The following EYS variants were observed in gnomAD, a reference collection of about 807,000 sequenced individuals.
The protein encoded by EYS is protein eyes shut homolog.
EYS carries 250 observed loss-of-function variants against 282.1 expected under a neutral mutation model. That is an observed-to-expected ratio of 0.89 (90% CI 0.80 to 0.98). The LOEUF (loss-of-function observed/expected upper bound fraction) is 0.98, where lower values mean the gene tolerates loss of function less well. EYS is among the 50% of genes least tolerant of loss of function. The pLI, the probability that EYS is intolerant of heterozygous loss-of-function variation, is 0.00. For synonymous variants in EYS, 1,355 were observed against 1,282.9 expected, an observed-to-expected ratio of 1.06 and a Z score of -1.20; for missense variants, 4,016 against 3,709.0, an observed-to-expected ratio of 1.08 and a Z score of -2.15.
At chr6:64,916,040 GA>G (rs1364136776) in intron 15 of EYS, among the ~76,000 whole-genome samples, 1 of 151,998 alleles carries the variant, frequency 6.6e-6, no homozygotes, top group African/African-American at 2.4e-5. Flanking sequence ...TATTTTGCTT[GA>G]AATAACATCA....
intron 5 of EYS, among the ~76,000 whole-genome samples, chr6:65,405,785 TG>T (rs1170621902): frequency 6.6e-6 from 1 of 152,116 alleles, no homozygotes; most frequent in Non-Finnish European, 1.5e-5. Context: ...TACTTTATAT[TG>T]CTAAAGAGTA....
At chr6:64,946,715 G>A (rs1345983514) in intron 14 of EYS, among the ~76,000 whole-genome samples, 1 of 151,778 alleles carries the variant, frequency 6.6e-6, no homozygotes, top group Non-Finnish European at 1.5e-5. Context: ...TTGAAACATG[G>A]CTAGTACCAT....
chr6:64,285,579 T>C (rs750648783), intron 30 of EYS, among the ~76,000 whole-genome samples: 1 of 152,138 alleles, frequency 6.6e-6, no homozygotes, highest in Non-Finnish European at 1.5e-5. Context: ...CACATTTGGG[T>C]ATCTTTTCAG....
chr6:64,144,020 G>T (rs1410929400), intron 31 of EYS, among the ~76,000 whole-genome samples: 1 of 152,150 alleles, frequency 6.6e-6, no homozygotes, highest in Admixed American at 6.6e-5. Flanking sequence ...GTTTTCAGAA[G>T]TGTGTTAGAC....
At chr6:65,666,154 G>C (rs192914791) in intron 1 of EYS, among the ~76,000 whole-genome samples, 55 of 151,372 alleles carry the variant, frequency 3.6e-4, no homozygotes, top group African/African-American at 1.3e-3. Flanking sequence ...TTTCCCTATA[G>C]CTAAGATTCC....
intron 22 of EYS, among the ~76,000 whole-genome samples, chr6:64,800,248 A>G (rs186521786): frequency 4.1e-4 from 63 of 152,182 alleles, no homozygotes; most frequent in Middle Eastern, 3.4e-3. Context: ...GACAATAAGC[A>G]TCATGAGCAA....
At chr6:64,878,681 G>A (rs371609417) in intron 19 of EYS, among the ~76,000 whole-genome samples, 9 of 146,140 alleles carry the variant, frequency 6.2e-5, no homozygotes, top group African/African-American at 2.2e-4. Flanking sequence ...TTAAGCACAT[G>A]CATTTTTTTT....
rs773783882 is a variant in EYS, at chr6:65,402,494, T to G, written c.1168A>C (p.Lys390Gln). The change falls in exon 7 of 43, where the codon AAA (lysine) becomes CAA (glutamine). Residue 390 changes from lysine (K) to glutamine (Q), a missense_variant. By Grantham distance (53) the Lys-to-Gln change is moderately conservative. Coordinates refer to ENST00000503581, the MANE Select transcript of EYS (RefSeq NM_001142800.2). ...RNNATCKKCE[K>Q]DYPCSCISGF... is the part of the protein sequence containing the mutation. The stretch of plus-strand genomic sequence containing the variant: ...TAATTATACCTGCAAGGATAATCTT[T>G]CTCACATTTCTTACATGTAGCATTA... 1 of 1,516,870 alleles carries G rather than the reference T, an allele frequency of 6.6e-7. No homozygotes were observed. Among genetic ancestry groups the G allele is most frequent in the South Asian group, 1.1e-5 (1 of 88,810 alleles). The allele number at this position is 1,516,870 out of a possible 1,614,324, so 94.0% of individuals were successfully genotyped here.
intron 2 of EYS, among the ~76,000 whole-genome samples, chr6:65,542,259 G>C (rs1023719640): frequency 6.6e-6 from 1 of 151,942 alleles, no homozygotes; most frequent in African/African-American, 2.4e-5. Context: ...AAATCAACTA[G>C]ATATAGTAGG....
At chr6:63,803,086 A>C (rs1221882021) in intron 37 of EYS, among the ~76,000 whole-genome samples, 2 of 152,134 alleles carry the variant, frequency 1.3e-5, no homozygotes, top group Non-Finnish European at 2.9e-5. Context: ...AATTTGGTAG[A>C]TGCGTACTAA....
intron 31 of EYS, among the ~76,000 whole-genome samples, chr6:64,139,916 C>T (rs1774284501): frequency 6.6e-6 from 1 of 151,150 alleles, no homozygotes; most frequent in Non-Finnish European, 1.5e-5. Flanking sequence ...TGCAGTGAGC[C>T]GAGATCGCAC....
intron 35 of EYS, among the ~76,000 whole-genome samples, chr6:63,871,972 C>T (rs1772817938): frequency 6.6e-6 from 1 of 152,214 alleles, no homozygotes; most frequent in Admixed American, 6.5e-5. Context: ...CCATGACCCA[C>T]CCAACTTTCC....
chr6:64,189,512 G>C (rs1325281693), intron 31 of EYS, among the ~76,000 whole-genome samples: 1 of 152,174 alleles, frequency 6.6e-6, no homozygotes, highest in East Asian at 1.9e-4. Context: ...TGTGTCCACT[G>C]TGCTACACTA....
At chr6:63,940,333 G>A (rs1157514582) in intron 35 of EYS, among the ~76,000 whole-genome samples, 2 of 151,930 alleles carry the variant, frequency 1.3e-5, no homozygotes, top group Non-Finnish European at 2.9e-5. Context: ...AAAAAGAAAA[G>A]GAAATTTGTG....
At chr6:65,358,839 C>T (rs1312790891) in intron 8 of EYS, among the ~76,000 whole-genome samples, 1 of 151,772 alleles carries the variant, frequency 6.6e-6, no homozygotes, top group Non-Finnish European at 1.5e-5. Context: ...TTATAAGTTG[C>T]TAATAACAAT....
chr6:65,589,120 C>T (rs1208599386), intron 2 of EYS, among the ~76,000 whole-genome samples: 1 of 152,008 alleles, frequency 6.6e-6, no homozygotes, highest in Non-Finnish European at 1.5e-5. Context: ...GTGTGTTCCT[C>T]ATGCCCTGTG....
chr6:63,838,025 T>C (rs937902098), intron 36 of EYS, among the ~76,000 whole-genome samples: 1 of 152,170 alleles, frequency 6.6e-6, no homozygotes, highest in African/African-American at 2.4e-5. Flanking sequence ...AATTTTGTTT[T>C]ACTCTGATTT....
At chr6:65,586,938 A>C (rs1765070591) in intron 2 of EYS, among the ~76,000 whole-genome samples, 1 of 152,050 alleles carries the variant, frequency 6.6e-6, no homozygotes, top group Non-Finnish European at 1.5e-5. Flanking sequence ...CATCTTTTAA[A>C]ATTCAAGTTA....
intron 2 of EYS, among the ~76,000 whole-genome samples, chr6:65,578,833 A>C (rs1682091545): frequency 6.6e-6 from 1 of 152,098 alleles, no homozygotes; most frequent in South Asian, 2.1e-4. Flanking sequence ...GAGGACTATA[A>C]CTAATTTATT....
Sources: gnomAD v4.1 joint callset for allele counts (sites outside exome capture counted in the v4.1 genomes callset) on GRCh38, gnomAD v4.1.1 for gene constraint, MANE v1.5 for transcripts, NCBI Gene and HGNC (gene_info 2026-07-23, HGNC 2026-07-21) for gene names.